The following CHRNA7 variants were observed in gnomAD, a reference collection of about 807,000 sequenced individuals.
CHRNA7 encodes cholinergic receptor nicotinic alpha 7 subunit.
A neutral mutation model predicts 48.0 loss-of-function variants in CHRNA7; 17 were observed. That is an observed-to-expected ratio of 0.35 (90% CI 0.24 to 0.53). The LOEUF (loss-of-function observed/expected upper bound fraction) is 0.53. Among genes scored for constraint, CHRNA7 ranks in the 20% least tolerant of loss-of-function variants. CHRNA7 has a pLI of 0.92. For synonymous variants in CHRNA7, 75 were observed against 242.3 expected (o/e 0.31, Z 6.41); for missense variants, 155 against 577.7 (o/e 0.27, Z 7.50).
chr15:32,031,105 G>T (rs1163686202), intron 2 of CHRNA7, 68 bp downstream of exon 2: 6 of 1,593,348 alleles, frequency 3.8e-6, no homozygotes, highest in Non-Finnish European at 4.3e-6. Flanking sequence ...TTTAGACAGC[G>T]TCGGGCGGCC....
chr15:32,069,910 TG>T (rs2050026459), intron 2 of CHRNA7, among the ~76,000 whole-genome samples: 1 of 152,204 alleles, frequency 6.6e-6, no homozygotes, highest in African/African-American at 2.4e-5. Flanking sequence ...AAACGCACTC[TG>T]GGCACTTAAC....
At chr15:32,138,178 G>A (rs2051306763) in intron 4 of CHRNA7, among the ~76,000 whole-genome samples, 2 of 151,946 alleles carry the variant, frequency 1.3e-5, no homozygotes, top group African/African-American at 4.8e-5. Context: ...CATACCTCAG[G>A]AAATAATTAC....
At chr15:32,101,671 C>A in intron 3 of CHRNA7, 1 of 250,438 alleles carries the variant, frequency 4.0e-6, no homozygotes, top group Non-Finnish European at 7.4e-6. Context: ...CACAGCCAGT[C>A]CCCAGGACTC....
chr15:32,049,243 G>T (rs866995331), intron 2 of CHRNA7, among the ~76,000 whole-genome samples: 1 of 151,858 alleles, frequency 6.6e-6, no homozygotes, highest in Non-Finnish European at 1.5e-5. Flanking sequence ...GTTGACAGTG[G>T]GGTGTTAAAG....
chr15:32,099,986 C>T (rs774986205), intron 2 of CHRNA7: 1 of 152,236 alleles, frequency 6.6e-6, no homozygotes, highest in East Asian at 1.9e-4. Context: ...AGGCAGCCCT[C>T]TCCTCTCTGT....
intron 4 of CHRNA7, among the ~76,000 whole-genome samples, chr15:32,130,716 C>T (rs978440235): frequency 6.6e-6 from 1 of 151,702 alleles, no homozygotes; most frequent in Non-Finnish European, 1.5e-5. Flanking sequence ...ATGTATGTAA[C>T]TTATTACGTT....
intron 4 of CHRNA7, among the ~76,000 whole-genome samples, chr15:32,114,051 TATATATATAC>T (rs1332018279): frequency 2.1e-4 from 12 of 57,284 alleles, no homozygotes; most frequent in Admixed American, 3.2e-4. Flanking sequence ...TATGTATATA[TATATATATAC>T]ATATATATAT....
At chr15:32,031,111 C>A in intron 2 of CHRNA7, 74 bp downstream of exon 2, 1 of 1,582,296 alleles carries the variant, frequency 6.3e-7, no homozygotes, top group South Asian at 1.1e-5. Flanking sequence ...CAGCGTCGGG[C>A]GGCCAGGCGG....
chr15:32,082,022 T>C (rs772319721), intron 2 of CHRNA7, among the ~76,000 whole-genome samples: 14 of 152,298 alleles, frequency 9.2e-5, no homozygotes, highest in Admixed American at 5.2e-4. Flanking sequence ...TTTGAAAAGG[T>C]TGTTTTTCTT....
Position 32,030,665 on chromosome 15 carries a change from C to T in CHRNA7, c.55+16C>T, listed in dbSNP as rs1350674646. 10 of 1,569,128 alleles carry T rather than the reference C, an allele frequency of 6.4e-6. No individual in the cohort carries two copies. Among genetic ancestry groups the T allele is most frequent in the South Asian group, 1.2e-5 (1 of 85,410 alleles). On this transcript the variant is annotated intron_variant, in intron 1 of 9. Coordinates refer to ENST00000306901, the MANE Select transcript of CHRNA7 (RefSeq NM_000746.6). ...CTCCTGCACGGTAAAGCCACTGCCT[C>T]CCCGCCCTCCACTCCTCCGTGGGAT...
chr15:32,049,528 G>A (rs954745388), intron 2 of CHRNA7, among the ~76,000 whole-genome samples: 191 of 152,158 alleles, frequency 1.3e-3, no homozygotes, highest in African/African-American at 4.4e-3. Context: ...TTAATTTTGA[G>A]GCTATGTGTG....
chr15:32,134,501 A>T (rs1196348154), intron 4 of CHRNA7, among the ~76,000 whole-genome samples: 1 of 152,174 alleles, frequency 6.6e-6, no homozygotes, highest in Non-Finnish European at 1.5e-5. Context: ...GCCTTCATTA[A>T]TTTTTTTAAG....
intron 4 of CHRNA7, among the ~76,000 whole-genome samples, chr15:32,123,720 C>T (rs376483174): frequency 3.9e-5 from 6 of 152,008 alleles, no homozygotes; most frequent in East Asian, 1.9e-4. Flanking sequence ...CCCTAGAAAC[C>T]GATTTGTTCT....
Position 32,044,929 on chromosome 15 carries a change from A to G in CHRNA7, c.195+13892A>G, listed in dbSNP as rs146222198. Among the ~76,000 whole-genome samples the G allele has an allele frequency of 7.5e-4, 114 of 152,284 alleles. 1 individual carries two copies. In the East Asian group the frequency reaches 0.012, roughly 16 times the overall value. On this transcript the variant is annotated intron_variant, in intron 2 of 9. Transcript: ENST00000306901. ...CCTATTCTTTGCGGCAATTCCCATT[A>G]CTTTGTCTCTCCATGCTTCATCCGG...
At chr15:32,044,187 T>A (rs903921479) in intron 2 of CHRNA7, among the ~76,000 whole-genome samples, 1 of 152,222 alleles carries the variant, frequency 6.6e-6, no homozygotes, top group East Asian at 1.9e-4. Flanking sequence ...GAATGACTTA[T>A]TGAATCTGTT....
Position 32,031,015 on chromosome 15 carries a change from G to A in CHRNA7, c.173G>A (p.Ser58Asn). Residue 58 changes from serine (S) to asparagine (N), a missense_variant, in exon 2 of 10, where the codon AGC becomes AAC. Transcript: ENST00000306901. ...SQPLTVYFSL[S>N]LLQIMDVDEK... Reference sequence around the variant, plus strand: ...CCACTCACCGTCTACTTCTCCCTGAGCCTCCTGCAGATCATGGACGTGGTG... The same window carrying A: ...CCACTCACCGTCTACTTCTCCCTGAACCTCCTGCAGATCATGGACGTGGTG... 6.2e-7 allele frequency: 1 copy of A among 1,614,198 alleles called. No individual in the cohort carries two copies. Among genetic ancestry groups the A allele is most frequent in the Non-Finnish European group, 8.5e-7 (1 of 1,180,018 alleles).
intron 2 of CHRNA7, among the ~76,000 whole-genome samples, chr15:32,059,331 A>G (rs1285203637): frequency 5.9e-5 from 9 of 152,214 alleles, no homozygotes; most frequent in Non-Finnish European, 2.9e-5. Context: ...TGGATTATGC[A>G]GTAGCCAAGA....
At chr15:32,130,477 A>G (rs967030824) in intron 4 of CHRNA7, among the ~76,000 whole-genome samples, 10 of 151,216 alleles carry the variant, frequency 6.6e-5, no homozygotes, top group Non-Finnish European at 1.5e-4. Context: ...TTATCTGATA[A>G]TAATATAGTT....
intron 7 of CHRNA7, 90 bp downstream of exon 7, chr15:32,158,696 TC>T: frequency 1.1e-6 from 1 of 939,094 alleles, no homozygotes; most frequent in Non-Finnish European, 1.6e-6. Flanking sequence ...AGCGCAGGAC[TC>T]CATCAGGGTT....
Sources: gnomAD v4.1 joint callset for allele counts (sites outside exome capture counted in the v4.1 genomes callset) on GRCh38, gnomAD v4.1.1 for gene constraint, MANE v1.5 for transcripts, NCBI Gene and HGNC (gene_info 2026-07-23, HGNC 2026-07-21) for gene names.